NTRK3: variants seen among roughly 807,000 people sequenced by gnomAD.
NTRK3 encodes NT-3 growth factor receptor.
Under a neutral mutation model 91.7 loss-of-function variants are expected in NTRK3, and 24 were observed. That is an observed-to-expected ratio of 0.26 (90% CI 0.19 to 0.37). The LOEUF (loss-of-function observed/expected upper bound fraction) is 0.37, where lower values mean the gene tolerates loss of function less well. NTRK3 is among the 10% of genes least tolerant of loss of function. The pLI, the probability that NTRK3 is intolerant of heterozygous loss-of-function variation, is 1.00. For missense variants in NTRK3, 880 were observed against 1,068.9 expected (o/e 0.82, Z 2.46); for synonymous variants, 483 against 404.0 (o/e 1.20, Z -2.34).
chr15:87,872,329 G>C, exon 19 of NTRK3: 2 of 223,250 alleles, frequency 9.0e-6, no homozygotes, highest in Non-Finnish European at 1.8e-5. Context: ...GTTTGGAAAA[G>C]GGGAACAAAG....
At chr15:87,864,491 T>C (rs2064610189) in exon 19 of NTRK3, 1 of 229,670 alleles carries the variant, frequency 4.4e-6, no homozygotes, top group Admixed American at 5.7e-5. Context: ...ATCTCTGAAA[T>C]CCTTAAATAA....
intron 3 of NTRK3, among the ~76,000 whole-genome samples, chr15:88,215,370 A>G (rs887544029): frequency 2.6e-5 from 4 of 152,198 alleles, no homozygotes; most frequent in South Asian, 2.1e-4. Context: ...CCTGGCCCCA[A>G]TAACTGTCTC....
intron 14 of NTRK3, among the ~76,000 whole-genome samples, chr15:88,010,812 G>A (rs955677761): frequency 1.3e-4 from 19 of 151,866 alleles, no homozygotes; most frequent in South Asian, 1.2e-3. Flanking sequence ...GGAAACAGCC[G>A]GGCTAATTGT....
chr15:88,161,386 G>A (rs149096860), intron 5 of NTRK3, among the ~76,000 whole-genome samples: 3 of 152,268 alleles, frequency 2.0e-5, no homozygotes, highest in African/African-American at 7.2e-5. Context: ...GCATTAGCAG[G>A]AGGGGCTACG....
At chr15:88,049,383 G>T (rs1468541615) in intron 13 of NTRK3, among the ~76,000 whole-genome samples, 3 of 152,038 alleles carry the variant, frequency 2.0e-5, no homozygotes, top group African/African-American at 7.2e-5. Context: ...TAACAATATT[G>T]TTTGTTGGTG....
intron 14 of NTRK3, among the ~76,000 whole-genome samples, chr15:87,989,306 T>C (rs1293679402): frequency 6.6e-6 from 1 of 152,140 alleles, no homozygotes; most frequent in Non-Finnish European, 1.5e-5. Flanking sequence ...ATATACACCA[T>C]GGAATACTAA....
intron 13 of NTRK3, among the ~76,000 whole-genome samples, chr15:88,064,614 G>A (rs1597091721): frequency 1.3e-5 from 2 of 152,144 alleles, no homozygotes; most frequent in Non-Finnish European, 2.9e-5. Flanking sequence ...GGTCTGTCTG[G>A]TTTCTATGCC....
At chr15:88,228,344 C>A (rs1209288570) in intron 3 of NTRK3, among the ~76,000 whole-genome samples, 2 of 152,166 alleles carry the variant, frequency 1.3e-5, no homozygotes, top group African/African-American at 4.8e-5. Flanking sequence ...CGCTGGATCT[C>A]CCCATCCTGG....
At chr15:87,900,516 T>C (rs2066385615) in intron 17 of NTRK3, among the ~76,000 whole-genome samples, 1 of 152,214 alleles carries the variant, frequency 6.6e-6, no homozygotes, top group Non-Finnish European at 1.5e-5. Flanking sequence ...GTCTCAATGT[T>C]CATACTTGGA....
intron 13 of NTRK3, among the ~76,000 whole-genome samples, chr15:88,102,062 C>T (rs1045600196): frequency 4.6e-5 from 7 of 151,798 alleles, no homozygotes; most frequent in African/African-American, 1.2e-4. Flanking sequence ...AAAGAGGAAG[C>T]GGAAATGGGG....
At chr15:88,077,777 G>C (rs537647615) in intron 13 of NTRK3, among the ~76,000 whole-genome samples, 1 of 152,142 alleles carries the variant, frequency 6.6e-6, no homozygotes, top group Admixed American at 6.5e-5. Flanking sequence ...ATGTGGCCCC[G>C]TTTCCTGCCT....
chr15:88,043,570 T>A (rs1183333113), intron 13 of NTRK3, among the ~76,000 whole-genome samples: 1 of 152,150 alleles, frequency 6.6e-6, no homozygotes, highest in Non-Finnish European at 1.5e-5. Flanking sequence ...TCACATCATG[T>A]CCCTTTTGGC....
At chr15:88,147,545 C>T (rs2043001193) in intron 5 of NTRK3, 142 bp from the exon 6 acceptor site, 1 of 665,904 alleles carries the variant, frequency 1.5e-6, no homozygotes, top group Admixed American at 2.2e-5. Flanking sequence ...TCTTCTTCTT[C>T]TTCTTCTTCA....
chr15:87,878,576 T>C (rs1280295962), intron 18 of NTRK3, among the ~76,000 whole-genome samples: 1 of 152,232 alleles, frequency 6.6e-6, no homozygotes, highest in Admixed American at 6.5e-5. Flanking sequence ...CAGCTGCTAA[T>C]GCCAAGATCA....
rs138670689 is a variant in NTRK3, at chr15:88,137,408, C to A, written c.618G>T (p.Gln206His). The A allele has an allele frequency of 6.2e-6, 10 of 1,613,594 alleles. No homozygotes were observed. The East Asian group carries it at 6.7e-5, about 11-fold the overall frequency. ...GCCAGGCGGCCACTCACTCACCACA[C>A]TGACTGATGTTCATGCGGAAGAGAG... The change falls in exon 7 of 19, where the codon CAG becomes CAT. Residue 206 changes from glutamine (Q) to histidine (H), a missense_variant. Gln to His is a conservative substitution (Grantham distance 24, BLOSUM62 0). Transcript: ENST00000394480.
At chr15:88,056,941 C>T (rs925003047) in intron 13 of NTRK3, among the ~76,000 whole-genome samples, 9 of 151,450 alleles carry the variant, frequency 5.9e-5, no homozygotes, top group Non-Finnish European at 5.9e-5. Flanking sequence ...GAGGCCGAGA[C>T]GGGCGGATCA....
At chr15:88,085,491 G>A (rs892471308) in intron 13 of NTRK3, among the ~76,000 whole-genome samples, 2 of 152,124 alleles carry the variant, frequency 1.3e-5, no homozygotes, top group South Asian at 4.1e-4. Flanking sequence ...ACCCCAGAAT[G>A]AGAAACATGG....
chr15:88,171,036 C>T (rs776816290), intron 5 of NTRK3, among the ~76,000 whole-genome samples: 2 of 152,112 alleles, frequency 1.3e-5, no homozygotes, highest in East Asian at 1.9e-4. Context: ...TTCACAATCA[C>T]GGAAAAAGCC....
At position 87,969,436 on chromosome 15, in the gene NTRK3, G is replaced by T. The variant is rs182966962; in HGVS notation, c.1586-28683C>A. 3.3e-5 allele frequency among the ~76,000 whole-genome samples: 5 copies of T among 152,218 alleles called. No homozygotes were observed. The East Asian group carries it at 5.8e-4, about 18-fold the overall frequency. ...AAAATAATGATAATAGCAATAATAA[G>T]AAGAATAGATAGATAGATAGCTCAA... On this transcript the variant is annotated intron_variant, in intron 14 of 18. Coordinates refer to ENST00000394480, the Ensembl canonical transcript of NTRK3.
Sources: allele counts gnomAD v4.1 joint callset (sites outside exome capture counted in the v4.1 genomes callset), GRCh38; gene constraint gnomAD v4.1.1; transcripts MANE v1.5; gene names NCBI Gene and HGNC (gene_info 2026-07-23, HGNC 2026-07-21).